Variants in ATP8B3 observed in about 807,000 individuals in gnomAD.
The protein encoded by ATP8B3 is phospholipid-transporting ATPase IK.
Under a neutral mutation model 140.9 loss-of-function variants are expected in ATP8B3, and 141 were observed. The ratio of observed to expected loss-of-function variants is 1.00; its 90% CI spans 0.87 to 1.15. The LOEUF (loss-of-function observed/expected upper bound fraction) is 1.15. ATP8B3 is among the 50% of genes most tolerant of loss of function. The pLI is 0.00. For synonymous variants in ATP8B3, 765 were observed against 714.6 expected, an observed-to-expected ratio of 1.07 and a Z score of -1.13; for missense variants, 1,874 against 1,740.6, an observed-to-expected ratio of 1.08 and a Z score of -1.36.
intron 18 of ATP8B3, among the ~76,000 whole-genome samples, chr19:1,793,045 G>A (rs566161342): frequency 1.3e-5 from 2 of 150,318 alleles, no homozygotes; most frequent in African/African-American, 4.9e-5. Context: ...CTGTTTCCCT[G>A]CCAGGAACAC....
chr19:1,788,741 T>C (rs2068384186), intron 24 of ATP8B3, among the ~76,000 whole-genome samples, 156 bp downstream of exon 24: 3 of 152,126 alleles, frequency 2.0e-5, no homozygotes, highest in African/African-American at 7.2e-5. Flanking sequence ...ACTCTAGGCC[T>C]CCACTAACGC....
chr19:1,783,822 G>A (rs150323164), intron 28 of ATP8B3, among the ~76,000 whole-genome samples: 9 of 151,738 alleles, frequency 5.9e-5, no homozygotes, highest in African/African-American at 1.2e-4. Context: ...CTTTGGTTAC[G>A]TGGGCTAGTA....
chr19:1,787,722 T>C (rs2068350108), intron 24 of ATP8B3, among the ~76,000 whole-genome samples: 3 of 92,832 alleles, frequency 3.2e-5, no homozygotes, highest in Non-Finnish European at 6.2e-5. Flanking sequence ...AGTGTGAAAC[T>C]CTGTCTAAAA....
In ATP8B3 at chr19:1,807,323, C is replaced by T; in HGVS notation, c.517-57G>A. 6.9e-7 allele frequency: 1 copy of T among 1,452,860 alleles called. No individual in the cohort carries two copies. Among genetic ancestry groups the T allele is most frequent in the Middle Eastern group, 1.8e-4 (1 of 5,688 alleles). 90.0% of individuals were successfully genotyped at this position (1,452,860 alleles called of 1,614,324 possible). A position where few individuals can be genotyped will look rare whatever the true frequency, so the allele number is the denominator to read the frequency against. Reference sequence around the variant, plus strand: ...CCAGCCCACTCCCCCGTCCCCTGCCCTTCCACCAAGCCGACCTAGCCCCGC... The same window carrying T: ...CCAGCCCACTCCCCCGTCCCCTGCCTTTCCACCAAGCCGACCTAGCCCCGC... On this transcript the variant is annotated intron_variant, in intron 5 of 28. Transcript: ENST00000310127. The surrounding 1 kb of genome is among the most constrained non-coding windows in gnomAD (Gnocchi z 5.9).
In ATP8B3 at chr19:1,785,183, A is replaced by C; in HGVS notation, c.3508T>G (p.Ser1170Ala). ...CACAGAAACGGGAAGGTCGTGGGGG[A>C]TACTCTGAAGAGCCAGAAGCTCTGG... is the stretch of plus-strand genomic sequence containing the variant. ...TTQSFWLFRV[S>A]PTTFPFLYAD... The change falls in exon 27 of 29, where the codon TCC becomes GCC. Residue 1170 changes from serine to alanine, a missense_variant. This residue lies in a region of ATP8B3 where 840 missense variants were observed against 760.9 expected (regional missense o/e 1.10). Coordinates refer to ENST00000310127, the MANE Select transcript of ATP8B3 (RefSeq NM_138813.4). The C allele has an allele frequency of 6.3e-7, 1 of 1,594,758 alleles. No homozygotes were observed. Among genetic ancestry groups the C allele is most frequent in the Non-Finnish European group, 8.5e-7 (1 of 1,171,186 alleles).
In ATP8B3 at chr19:1,783,284, G is replaced by C; in HGVS notation, c.3661-14C>G. 6.2e-7 allele frequency: 1 copy of C among 1,601,800 alleles called. No homozygotes were observed. Among genetic ancestry groups the C allele is most frequent in the Non-Finnish European group, 8.5e-7 (1 of 1,174,082 alleles). Reference sequence around the variant, plus strand: ...CACCTTCTCCTCCTGAAGAGCAAAGGGGAGAGCAGGGGAAGCAGACTCCTA... The same window carrying C: ...CACCTTCTCCTCCTGAAGAGCAAAGCGGAGAGCAGGGGAAGCAGACTCCTA... On this transcript the variant is annotated splice_polypyrimidine_tract_variant and intron_variant, in intron 28 of 28. Coordinates refer to ENST00000310127, the MANE Select transcript of ATP8B3 (RefSeq NM_138813.4).
intron 18 of ATP8B3, among the ~76,000 whole-genome samples, chr19:1,793,305 G>A (rs963769648): frequency 6.6e-6 from 1 of 152,176 alleles, no homozygotes; most frequent in East Asian, 1.9e-4. Flanking sequence ...GTTTCACCAT[G>A]TTGCCTGGGC....
Position 1,790,781 on chromosome 19 carries a change from A to T in ATP8B3, c.2354T>A (p.Leu785His). Residue 785 changes from leucine (L) to histidine (H), a missense_variant, in exon 21 of 29, where the codon CTC becomes CAC. Transcript: ENST00000310127. ...FACELLSENM[L>H]ILEEKEISRI... ...CCTAATCTCCTTCTCCTCCAGAATGAGCATATTCTCTGACAGCAGCTCGCA... is the reference window on the plus strand; with the variant it reads ...CCTAATCTCCTTCTCCTCCAGAATGTGCATATTCTCTGACAGCAGCTCGCA... The T allele has an allele frequency of 6.2e-7, 1 of 1,605,404 alleles. No homozygotes were observed. The highest frequency in any genetic ancestry group is 8.5e-7 in the Non-Finnish European group (1 of 1,177,408).
At position 1,785,404 on chromosome 19, in the gene ATP8B3, T is replaced by TC. The variant is rs759355886; in HGVS notation, c.3393+64dup. 2,681 of 1,574,132 alleles carry TC rather than the reference T, an allele frequency of 1.7e-3. 6 individuals carry two copies. Among genetic ancestry groups the TC allele is most frequent in the Non-Finnish European group, 2.1e-3 (2,413 of 1,158,194 alleles). ...CCTGGCAATGCCCCCAAAGCAGGGGTCCCCAGGGGAGGAGGCCTCCATAGG... is the reference window on the plus strand; with the variant it reads ...CCTGGCAATGCCCCCAAAGCAGGGGTCCCCCAGGGGAGGAGGCCTCCATAGG... On this transcript the variant is annotated intron_variant, in intron 26 of 28. Coordinates refer to ENST00000310127, the MANE Select transcript of ATP8B3 (RefSeq NM_138813.4).
At position 1,782,190 on chromosome 19, in the gene ATP8B3, GCTT is replaced by G. The variant is rs2068182367; in HGVS notation, c.*835_*837del. 8.0e-6 allele frequency: 2 copies of G among 249,990 alleles called. No homozygotes were observed. The highest frequency in any genetic ancestry group is 7.8e-5 in the East Asian group (1 of 12,764). 15.5% of individuals were successfully genotyped at this position (249,990 alleles called of 1,614,324 possible). On this transcript the variant is annotated 3_prime_UTR_variant, in exon 29 of 29. Transcript: ENST00000310127. ...TTGACTTGCAGCAGAACTGGCTGGA[GCTT>G]CTTCTTCCCAGGAAGGACATCTTCC...
At chr19:1,802,350 C>T (rs2068878969) in intron 11 of ATP8B3, 137 bp downstream of exon 11, 1 of 565,924 alleles carries the variant, frequency 1.8e-6, no homozygotes, top group East Asian at 3.9e-5. Context: ...CCCATCTGCC[C>T]ATCTATTTGT....
rs1600494904 is a variant in ATP8B3, at chr19:1,812,004, C to T, written c.-148-120G>A. Reference sequence around the variant, plus strand: ...CCGCAGCCGCAGGGGCACAGGACCGCCCTGGACAGGGCTCCAGAGTCCAGG... The same window carrying T: ...CCGCAGCCGCAGGGGCACAGGACCGTCCTGGACAGGGCTCCAGAGTCCAGG... On this transcript the variant is annotated intron_variant, in intron 1 of 28. Coordinates refer to ENST00000310127, the MANE Select transcript of ATP8B3 (RefSeq NM_138813.4). 8.0e-6 allele frequency: 4 copies of T among 498,822 alleles called. No homozygotes were observed. In the East Asian group the frequency reaches 1.4e-4, roughly 17 times the overall value. The allele number at this position is 498,822 out of a possible 1,614,324, so 30.9% of individuals were successfully genotyped here. A position where few individuals can be genotyped will look rare whatever the true frequency, so the allele number is the denominator to read the frequency against.
chr19:1,810,708 C>G (rs1050754246), intron 2 of ATP8B3, 25 bp from the exon 3 acceptor site: 2 of 1,607,106 alleles, frequency 1.2e-6, no homozygotes, highest in African/African-American at 2.7e-5. Flanking sequence ...GGCCCCGGGT[C>G]ACAGCAGTGA....
Position 1,791,804 on chromosome 19 carries a change from T to G in ATP8B3, c.2248A>C (p.Lys750Gln). The G allele has an allele frequency of 1.1e-5, 17 of 1,611,946 alleles. No homozygotes were observed. Among genetic ancestry groups the G allele is most frequent in the Non-Finnish European group, 1.4e-5 (17 of 1,179,824 alleles). Reference sequence around the variant, plus strand: ...TTGATGTTGCTCTTCTTGAGACATTTGATGGTTTCAGGGACACCGTCCTGG... The same window carrying G: ...TTGATGTTGCTCTTCTTGAGACATTGGATGGTTTCAGGGACACCGTCCTGG... ...RLQDGVPETI[K>Q]CLKKSNIKIW... is the part of the protein sequence containing the mutation. Residue 750 changes from lysine to glutamine, a missense_variant, in exon 20 of 29, where the codon AAA becomes CAA. Lys to Gln is a moderately conservative substitution (Grantham distance 53, BLOSUM62 1). Around this residue, in one of 3 missense-constraint regions of ATP8B3, gnomAD observed 840 missense variants for 760.9 expected, o/e 1.10. Transcript: ENST00000310127.
chr19:1,808,794 C>G (rs1056313868), intron 4 of ATP8B3, among the ~76,000 whole-genome samples: 1 of 152,226 alleles, frequency 6.6e-6, no homozygotes, highest in African/African-American at 2.4e-5. Context: ...CTCACGTGCA[C>G]TGGGACAGGG....
rs553010470 is a variant in ATP8B3, at chr19:1,796,463, C to T, written c.1754-198G>A. On this transcript the variant is annotated intron_variant, in intron 16 of 28. Coordinates refer to ENST00000310127, the MANE Select transcript of ATP8B3 (RefSeq NM_138813.4). ...CGCTCAACAACAGATCCTCGGGCTCCGACCGCAGGCCTGGACATCCTTTAG... is the reference window on the plus strand; with the variant it reads ...CGCTCAACAACAGATCCTCGGGCTCTGACCGCAGGCCTGGACATCCTTTAG... Among the ~76,000 whole-genome samples the T allele has an allele frequency of 9.6e-4, 146 of 152,348 alleles. 1 individual carries two copies. Among genetic ancestry groups the T allele is most frequent in the African/African-American group, 3.3e-3 (138 of 41,586 alleles).
At chr19:1,789,176 C>T in intron 23 of ATP8B3, 56 bp from the exon 24 acceptor site, 1 of 1,114,908 alleles carries the variant, frequency 9.0e-7, no homozygotes, top group Non-Finnish European at 1.2e-6. Context: ...CCGCCCGCCC[C>T]CCCAGACCCC....
chr19:1,783,387 G>A lies in ATP8B3; in HGVS notation c.3661-117C>T, dbSNP rs565214624. ...CCCTTGGCCACTATTGATTGGCTACGTTCTTCCCTACCCAAGTTGAGCCAA... is the reference window on the plus strand; with the variant it reads ...CCCTTGGCCACTATTGATTGGCTACATTCTTCCCTACCCAAGTTGAGCCAA... On this transcript the variant is annotated intron_variant, in intron 28 of 28. Coordinates refer to ENST00000310127, the MANE Select transcript of ATP8B3 (RefSeq NM_138813.4). The A allele has an allele frequency of 3.6e-5, 48 of 1,325,718 alleles. 1 individual carries two copies. Among genetic ancestry groups the A allele is most frequent in the East Asian group, 3.5e-4 (14 of 39,734 alleles). The allele number at this position is 1,325,718 out of a possible 1,614,324, so 82.1% of individuals were successfully genotyped here.
chr19:1,793,482 G>C (rs1186263742), intron 18 of ATP8B3, among the ~76,000 whole-genome samples: 1 of 152,142 alleles, frequency 6.6e-6, no homozygotes, highest in Non-Finnish European at 1.5e-5. Flanking sequence ...GGCTCCCCCA[G>C]TCCCAGGCCC....
Sources: allele counts gnomAD v4.1 joint callset (sites outside exome capture counted in the v4.1 genomes callset), GRCh38; gene constraint gnomAD v4.1.1; regional missense constraint gnomAD v4.1.1; non-coding constraint Gnocchi (gnomAD v3.1); transcripts MANE v1.5; gene names NCBI Gene and HGNC (gene_info 2026-07-23, HGNC 2026-07-21).